The following WASHC5 variants were observed in gnomAD, a reference collection of about 807,000 sequenced individuals.
The protein encoded by WASHC5 is WASH complex subunit 5, also known as WASH complex subunit strumpellin.
Under a neutral mutation model 150.4 loss-of-function variants are expected in WASHC5, and 101 were observed. The observed-to-expected ratio is 0.67, with a 90% confidence interval of 0.57 to 0.79. The LOEUF is 0.79. Ranked by LOEUF, WASHC5 falls within the 30% of genes least tolerant of loss-of-function variation. The pLI is 0.00. For missense variants in WASHC5, 1,195 were observed against 1,396.3 expected, an observed-to-expected ratio of 0.86 and a Z score of 2.30; for synonymous variants, 467 against 491.2, an observed-to-expected ratio of 0.95 and a Z score of 0.65.
chr8:125,032,608 G>T, intron 26 of WASHC5: 1 of 579,252 alleles, frequency 1.7e-6, no homozygotes, highest in East Asian at 3.0e-5. Context: ...CAATAAAACG[G>T]TTACTAAATT....
At chr8:125,026,567 C>G (rs568034161) in intron 28 of WASHC5, among the ~76,000 whole-genome samples, 2 of 152,220 alleles carry the variant, frequency 1.3e-5, no homozygotes, top group African/African-American at 4.8e-5. Context: ...AACCCTTTAT[C>G]TGTAATTAAT....
rs1272167459 is a variant in WASHC5, at chr8:125,044,082, T to C, written c.2680A>G (p.Met894Val). 6.2e-7 allele frequency: 1 copy of C among 1,609,716 alleles called. No individual in the cohort carries two copies. The change falls in exon 22 of 29, where the codon ATG becomes GTG. Residue 894 changes from methionine to valine, a missense_variant. Coordinates refer to ENST00000318410, the MANE Select transcript of WASHC5 (RefSeq NM_014846.4). ...TCTCTCAGGATAATTTTCTGAAACA[T>C]ACTGAGGAAATTCTAAAAACAAGAA... Reference protein sequence around the residue: ...IVKELQNFLSMFQKIILRDRT... With the variant: ...IVKELQNFLSVFQKIILRDRT...
intron 6 of WASHC5, 152 bp downstream of exon 6, chr8:125,078,586 T>G (rs1191107809): frequency 1.6e-6 from 1 of 639,696 alleles, no homozygotes; most frequent in Non-Finnish European, 2.8e-6. Context: ...CCCTCTTTCC[T>G]TTATCATCCT....
intron 10 of WASHC5, among the ~76,000 whole-genome samples, chr8:125,065,096 T>A (rs559814734): frequency 8.5e-5 from 13 of 152,236 alleles, no homozygotes; most frequent in African/African-American, 2.9e-4. Flanking sequence ...AGGTTTCACA[T>A]CTCACAGGAT....
chr8:125,043,036 T>A (rs953839862), intron 23 of WASHC5, among the ~76,000 whole-genome samples: 5 of 152,218 alleles, frequency 3.3e-5, no homozygotes, highest in Non-Finnish European at 7.3e-5. Context: ...GTATGTGATA[T>A]TTTTGACCAC....
intron 3 of WASHC5, chr8:125,082,786 G>A (rs1388136883): frequency 5.1e-5 from 19 of 371,196 alleles, no homozygotes; most frequent in Non-Finnish European, 7.7e-5. Context: ...AGTGTATTAA[G>A]AGACAGAAAG....
rs187393465 is a variant in WASHC5 at position 125,041,458 on chromosome 8, T to C, written c.2851-1560A>G. ...AGTTCGAGACCAAGCCTGGCCAAAATGGTAAAACTCTGTTTCTACTAAAAA... is the reference window on the plus strand; with the variant it reads ...AGTTCGAGACCAAGCCTGGCCAAAACGGTAAAACTCTGTTTCTACTAAAAA... On this transcript the variant is annotated intron_variant, in intron 23 of 28. Transcript: ENST00000318410. Among the ~76,000 whole-genome samples, 153 of 152,242 alleles carry C rather than the reference T, an allele frequency of 1.0e-3. 1 individual carries two copies. Among genetic ancestry groups the C allele is most frequent in the Non-Finnish European group, 1.6e-3 (110 of 68,018 alleles).
At chr8:125,050,527 C>A in intron 18 of WASHC5, 37 bp downstream of exon 18, 1 of 1,441,996 alleles carries the variant, frequency 6.9e-7, no homozygotes, top group Non-Finnish European at 9.8e-7. Context: ...GCAAGCTGGG[C>A]GGAGAAGAGG....
At chr8:125,081,329 C>T (rs1455873584) in intron 5 of WASHC5, among the ~76,000 whole-genome samples, 1 of 151,456 alleles carries the variant, frequency 6.6e-6, no homozygotes, top group Non-Finnish European at 1.5e-5. Context: ...CCTTCGCCTC[C>T]CGAGTTCAGG....
At chr8:125,076,620 G>T in intron 6 of WASHC5, 120 bp from the exon 7 acceptor site, 1 of 1,130,310 alleles carries the variant, frequency 8.8e-7, no homozygotes, top group Non-Finnish European at 1.3e-6. Flanking sequence ...CACCTTTCAG[G>T]ATCCTGGACA....
chr8:125,085,640 C>T (rs548063949), intron 1 of WASHC5, among the ~76,000 whole-genome samples: 2 of 152,278 alleles, frequency 1.3e-5, no homozygotes, highest in South Asian at 4.1e-4. Context: ...GCCTTCTAAG[C>T]ATCTTCTGTA....
intron 16 of WASHC5, 103 bp downstream of exon 16, chr8:125,056,574 T>C (rs1586359326): frequency 8.5e-6 from 11 of 1,300,864 alleles, no homozygotes; most frequent in Non-Finnish European, 2.2e-6. Flanking sequence ...CAAGTCAGAA[T>C]TGGTCTGGTG....
intron 1 of WASHC5, among the ~76,000 whole-genome samples, chr8:125,086,292 A>G (rs1219806655): frequency 6.6e-6 from 1 of 152,104 alleles, no homozygotes; most frequent in South Asian, 2.1e-4. Flanking sequence ...GTGTCTTCGC[A>G]TGGCCACCCC....
chr8:125,081,886 AG>A, intron 4 of WASHC5, 125 bp from the exon 5 acceptor site: 2 of 713,202 alleles, frequency 2.8e-6, no homozygotes, highest in East Asian at 5.4e-5. Flanking sequence ...TTCAAGGAAA[AG>A]GTAGGTTTCC....
intron 19 of WASHC5, among the ~76,000 whole-genome samples, chr8:125,048,088 T>C (rs562002059): frequency 2.6e-5 from 4 of 152,202 alleles, no homozygotes; most frequent in Non-Finnish European, 5.9e-5. Context: ...ATAACATTTA[T>C]AAAAAACAAA....
At chr8:125,031,117 C>T (rs1008101774) in intron 27 of WASHC5, among the ~76,000 whole-genome samples, 26 of 152,156 alleles carry the variant, frequency 1.7e-4, no homozygotes, top group African/African-American at 6.3e-4. Context: ...CACAAGCCCC[C>T]TCGGTGAGAG....
chr8:125,044,935 T>A (rs572404302), intron 20 of WASHC5: 1 of 537,826 alleles, frequency 1.9e-6, no homozygotes, highest in East Asian at 3.4e-5. Flanking sequence ...TTGGTTTCAG[T>A]CATTTATTTC....
At chr8:125,067,508 A>T in intron 10 of WASHC5, 84 bp downstream of exon 10, 1 of 1,163,884 alleles carries the variant, frequency 8.6e-7, no homozygotes. Flanking sequence ...GAGACAGAGC[A>T]AGCAATCCTA....
intron 9 of WASHC5, among the ~76,000 whole-genome samples, chr8:125,068,817 A>G (rs1051128043): frequency 3.9e-5 from 6 of 152,256 alleles, no homozygotes; most frequent in African/African-American, 1.4e-4. Flanking sequence ...TGATTGACCC[A>G]AGGTAAAAAT....
Sources: allele counts gnomAD v4.1 joint callset (sites outside exome capture counted in the v4.1 genomes callset), GRCh38; gene constraint gnomAD v4.1.1; transcripts MANE v1.5; gene names NCBI Gene and HGNC (gene_info 2026-07-23, HGNC 2026-07-21).